Variants in DHX35 observed in about 807,000 individuals in gnomAD.
DHX35 encodes probable ATP-dependent RNA helicase DHX35.
DHX35 carries 84 observed loss-of-function variants against 99.6 expected under a neutral mutation model. The observed-to-expected ratio is 0.84, with a 90% CI of 0.71 to 1.01. DHX35 has a LOEUF of 1.01. DHX35 is among the 50% of genes least tolerant of loss of function. DHX35 has a pLI of 0.00. For synonymous variants in DHX35, 331 were observed against 316.2 expected (o/e 1.05, Z -0.50); for missense variants, 852 against 888.5 (o/e 0.96, Z 0.52).
chr20:38,975,824 A>T (rs952925193), intron 3 of DHX35, among the ~76,000 whole-genome samples: 3 of 152,218 alleles, frequency 2.0e-5, no homozygotes, highest in Non-Finnish European at 4.4e-5. Flanking sequence ...ATCATGAGAC[A>T]GCTCTTAAAA....
At chr20:39,004,771 C>T (rs558281644) in intron 11 of DHX35, among the ~76,000 whole-genome samples, 3 of 152,240 alleles carry the variant, frequency 2.0e-5, no homozygotes, top group African/African-American at 7.2e-5. Flanking sequence ...AGAACCAGCC[C>T]GAGGACAGCT....
intron 2 of DHX35, among the ~76,000 whole-genome samples, chr20:38,971,674 C>G (rs556992712): frequency 6.6e-6 from 1 of 152,156 alleles, no homozygotes; most frequent in Middle Eastern, 3.2e-3. Context: ...TACGCATAAA[C>G]AAGTAGATAC....
chr20:38,997,858 C>T (rs916014999), intron 8 of DHX35, among the ~76,000 whole-genome samples: 15 of 152,270 alleles, frequency 9.9e-5, no homozygotes, highest in Non-Finnish European at 1.6e-4. Context: ...GCTTAGGAAA[C>T]ATTTTGATCT....
chr20:38,964,085 T>C (rs1225709390), intron 1 of DHX35, among the ~76,000 whole-genome samples: 1 of 152,208 alleles, frequency 6.6e-6, no homozygotes, highest in Non-Finnish European at 1.5e-5. Context: ...TAGGTTACTA[T>C]TATAATTATA....
chr20:38,972,458 C>G, intron 2 of DHX35, 101 bp from the exon 3 acceptor site: 1 of 746,258 alleles, frequency 1.3e-6, no homozygotes, highest in Admixed American at 2.6e-5. Context: ...TTAAAATTCA[C>G]TTTCCTTTGA....
At chr20:38,971,987 T>G (rs1233894663) in intron 2 of DHX35, among the ~76,000 whole-genome samples, 1 of 148,236 alleles carries the variant, frequency 6.7e-6, no homozygotes, top group Non-Finnish European at 1.5e-5. Flanking sequence ...AATTTCTTGT[T>G]TTTTTTGTTT....
At chr20:38,978,244 A>T (rs1422441538) in intron 3 of DHX35, 5 of 820,608 alleles carry the variant, frequency 6.1e-6, no homozygotes, top group Non-Finnish European at 1.1e-5. Flanking sequence ...CTCTGCTTCA[A>T]CAATGTGCAA....
intron 3 of DHX35, 77 bp from the exon 4 acceptor site, chr20:38,983,622 A>G: frequency 1.7e-6 from 2 of 1,207,788 alleles, no homozygotes; most frequent in Admixed American, 3.8e-5. Context: ...ATTTTAACAC[A>G]ATACGGGAGC....
chr20:39,020,403 A>T (rs1322252371), intron 15 of DHX35, among the ~76,000 whole-genome samples: 2 of 152,142 alleles, frequency 1.3e-5, no homozygotes, highest in Non-Finnish European at 2.9e-5. Flanking sequence ...ACTTCTTCAG[A>T]TTTTTGTGAG....
intron 4 of DHX35, 111 bp from the exon 5 acceptor site, chr20:38,988,702 A>G: frequency 7.0e-7 from 1 of 1,420,914 alleles, no homozygotes; most frequent in Non-Finnish European, 9.5e-7. Context: ...TTCATTTTTC[A>G]TTGTGTTCAC....
chr20:39,007,346 T>G (rs2086635193), intron 12 of DHX35, among the ~76,000 whole-genome samples: 1 of 152,222 alleles, frequency 6.6e-6, no homozygotes, highest in Admixed American at 6.5e-5. Context: ...ACTGACAGTC[T>G]GGTGGTGGAG....
intron 3 of DHX35, among the ~76,000 whole-genome samples, chr20:38,981,001 C>T (rs939457122): frequency 2.0e-5 from 3 of 152,252 alleles, no homozygotes; most frequent in Admixed American, 1.3e-4. Context: ...CATGTTTTCT[C>T]ATGATTAGAA....
At position 38,972,585 on chromosome 20, in the gene DHX35, A is replaced by G; in HGVS notation, c.201A>G (p.Ile67Met). Reference protein sequence around the residue: ...FKLRNHILYLIENYQTVVIVG... With the variant: ...FKLRNHILYLMENYQTVVIVG... The stretch of plus-strand genomic sequence containing the variant: ...TTAGGAATCATATTTTATACTTGAT[A>G]GAAAATTATCAGACAGTGGTGATTG... The change falls in exon 3 of 22, where the codon ATA becomes ATG. Residue 67 changes from isoleucine to methionine, a missense_variant. Ile to Met is a conservative substitution (Grantham distance 10, BLOSUM62 1). Coordinates refer to ENST00000252011, the MANE Select transcript of DHX35 (RefSeq NM_021931.4). 1 of 1,612,386 alleles carries G rather than the reference A, an allele frequency of 6.2e-7. No individual in the cohort carries two copies. The highest frequency in any genetic ancestry group is 8.5e-7 in the Non-Finnish European group (1 of 1,178,548).
chr20:39,021,057 C>G (rs563856872), intron 15 of DHX35, among the ~76,000 whole-genome samples: 2 of 152,164 alleles, frequency 1.3e-5, no homozygotes, highest in South Asian at 2.1e-4. Context: ...TGTACTCTGC[C>G]TTGTGCCCTG....
intron 1 of DHX35, 80 bp from the exon 2 acceptor site, chr20:38,969,001 A>G: frequency 1.4e-6 from 2 of 1,423,216 alleles, no homozygotes; most frequent in Non-Finnish European, 9.4e-7. Context: ...GTATATCTTC[A>G]TCTTTGAAAG....
intron 2 of DHX35, 138 bp from the exon 3 acceptor site, chr20:38,972,421 G>A (rs2086016691): frequency 3.2e-6 from 2 of 620,432 alleles, no homozygotes; most frequent in Non-Finnish European, 2.9e-6. Context: ...GTACCTGAGG[G>A]TTAGAAATAC....
rs566315887 is a variant in DHX35, at chr20:39,019,561, A to C, written c.1498+662A>C. On this transcript the variant is annotated intron_variant, in intron 15 of 21. Coordinates refer to ENST00000252011, the MANE Select transcript of DHX35 (RefSeq NM_021931.4). ...AATTACTAAATCATGATAATTCTTTAATTTTTAAAAATGTATTTTTAATTG... is the reference window on the plus strand; with the variant it reads ...AATTACTAAATCATGATAATTCTTTCATTTTTAAAAATGTATTTTTAATTG... Among the ~76,000 whole-genome samples the C allele has an allele frequency of 4.6e-5, 7 of 152,300 alleles. No homozygotes were observed. In the East Asian group the frequency reaches 1.3e-3, roughly 29 times the overall value.
chr20:39,034,773 TC>T (rs2087120431), intron 21 of DHX35, among the ~76,000 whole-genome samples: 1 of 149,750 alleles, frequency 6.7e-6, no homozygotes, highest in Admixed American at 6.6e-5. Context: ...TTTTCTTTTT[TC>T]TTTTTTTTTT....
At chr20:39,008,703 A>G (rs2086655871) in intron 12 of DHX35, among the ~76,000 whole-genome samples, 1 of 152,204 alleles carries the variant, frequency 6.6e-6, no homozygotes, top group Admixed American at 6.5e-5. Context: ...TCCTCAGCTT[A>G]TCTTCTCCTA....
Sources: gnomAD v4.1 joint callset for allele counts (sites outside exome capture counted in the v4.1 genomes callset) on GRCh38, gnomAD v4.1.1 for gene constraint, MANE v1.5 for transcripts, NCBI Gene and HGNC (gene_info 2026-07-23, HGNC 2026-07-21) for gene names.